Variants in HMG20B observed in about 807,000 individuals in gnomAD.
HMG20B encodes SWI/SNF-related matrix-associated actin-dependent regulator of chromatin subfamily E member 1-related.
A neutral mutation model predicts 41.6 loss-of-function variants in HMG20B; 24 were observed. The ratio of observed to expected loss-of-function variants is 0.58; its 90% CI spans 0.42 to 0.81. The LOEUF (loss-of-function observed/expected upper bound fraction) is 0.81, where lower values mean the gene tolerates loss of function less well. Among genes scored for constraint, HMG20B ranks in the 30% least tolerant of loss-of-function variants. The pLI is 0.00. For synonymous variants in HMG20B, 251 were observed against 186.6 expected, an observed-to-expected ratio of 1.34 and a Z score of -2.81; for missense variants, 461 against 444.0, an observed-to-expected ratio of 1.04 and a Z score of -0.34.
rs2032154802 is a variant in HMG20B, at chr19:3,576,052, C to T, written c.473-209C>T. On this transcript the variant is annotated intron_variant, in intron 5 of 9. Transcript: ENST00000333651. ...CCTCAGCCCAGGCAGGGCCTCCCTC[C>T]GTGGGGCACAGTCCCGTGGGTTGGG... 23 of 597,970 alleles carry T rather than the reference C, an allele frequency of 3.8e-5. No individual in the cohort carries two copies. In the South Asian group the frequency reaches 4.4e-4, roughly 12 times the overall value. 37.0% of individuals were successfully genotyped at this position (597,970 alleles called of 1,614,324 possible).
At position 3,577,032 on chromosome 19, in the gene HMG20B, A is replaced by G. The variant is rs757701879; in HGVS notation, c.733A>G (p.Thr245Ala). 149 of 1,550,296 alleles carry G rather than the reference A, an allele frequency of 9.6e-5. No individual in the cohort carries two copies. The highest frequency in any genetic ancestry group is 1.3e-4 in the Non-Finnish European group (144 of 1,148,134). ...EQELALEERR[T>A]LALQQQLQAV... ...GGAGCTGGCGCTGGAGGAGCGGAGG[A>G]CGCTGGCGCTGCAGCAGCAGCTCCA... Residue 245 changes from threonine to alanine, a missense_variant, in exon 8 of 10, where the codon ACG becomes GCG. Transcript: ENST00000333651.
chr19:3,573,131 C>T, intron 1 of HMG20B, 137 bp downstream of exon 1: 1 of 555,694 alleles, frequency 1.8e-6, no homozygotes, highest in Non-Finnish European at 3.0e-6. Flanking sequence ...ACAAAGGATT[C>T]TTGGGGCGCC....
rs2032160111 is a variant in HMG20B, at chr19:3,576,276, G to C, written c.488G>C (p.Gly163Ala). Reference sequence around the variant, plus strand: ...CCCCCGCCAGAAGACTCGAGCTCTGGGCTCATGAACACTCTCCTGAATGGA... The same window carrying C: ...CCCCCGCCAGAAGACTCGAGCTCTGCGCTCATGAACACTCTCCTGAATGGA... ...KKIKKEDSSS[G>A]LMNTLLNGHK... Residue 163 changes from glycine (G) to alanine (A), a missense_variant, in exon 6 of 10, where the codon GGG (glycine) becomes GCG (alanine). By Grantham distance (60) the Gly-to-Ala change is moderately conservative (BLOSUM62 0). Coordinates refer to ENST00000333651, the MANE Select transcript of HMG20B (RefSeq NM_006339.3). 14 of 1,613,798 alleles carry C rather than the reference G, an allele frequency of 8.7e-6. No individual in the cohort carries two copies. The highest frequency in any genetic ancestry group is 1.0e-5 in the Non-Finnish European group (12 of 1,179,842).
At chr19:3,574,237 C>T (rs550949295) in intron 3 of HMG20B, 146 bp from the exon 4 acceptor site, 2 of 729,590 alleles carry the variant, frequency 2.7e-6, no homozygotes, top group African/African-American at 3.5e-5. Flanking sequence ...GCTGACCGGG[C>T]CCTACCTCCA....
intron 8 of HMG20B, 71 bp downstream of exon 8, chr19:3,577,178 CT>C: frequency 9.0e-7 from 1 of 1,106,232 alleles, no homozygotes. Context: ...CCCCTCCTCC[CT>C]TCCCCCCTTC....
Position 3,574,702 on chromosome 19 carries a change from C to T in HMG20B, c.351+116C>T, listed in dbSNP as rs1384659636. The T allele has an allele frequency of 1.6e-5, 14 of 896,110 alleles. No individual in the cohort carries two copies. In the Admixed American group the frequency reaches 2.3e-4, roughly 15 times the overall value. The allele number at this position is 896,110 out of a possible 1,614,324, so 55.5% of individuals were successfully genotyped here. On this transcript the variant is annotated intron_variant, in intron 4 of 9. Transcript: ENST00000333651. ...TTTTCCTTCTTCCTGGAGAAATGCC[C>T]ACCCATAACCAACTTTTTTTTTTTT...
At chr19:3,573,904 C>G in intron 3 of HMG20B, 104 bp downstream of exon 3, 1 of 1,090,402 alleles carries the variant, frequency 9.2e-7, no homozygotes, top group African/African-American at 1.5e-5. Flanking sequence ...CGCCCACAGC[C>G]CATTTTCCTC....
Position 3,576,465 on chromosome 19 carries a change from C to A in HMG20B, c.520-88C>A, listed in dbSNP as rs116960452. On this transcript the variant is annotated intron_variant, in intron 6 of 9. Coordinates refer to ENST00000333651, the MANE Select transcript of HMG20B (RefSeq NM_006339.3). The stretch of plus-strand genomic sequence containing the variant: ...TGATTGTACTCCCACCGGGGTGTCC[C>A]AGGAGACCCTCCTAGGCTTGGGGCA... The A allele has an allele frequency of 3.8e-4, 525 of 1,378,218 alleles. 7 individuals carry two copies. The East Asian group carries it at 7.5e-3, about 20-fold the overall frequency. 85.4% of individuals were successfully genotyped at this position (1,378,218 alleles called of 1,614,324 possible).
Position 3,575,554 on chromosome 19 carries a change from G to T in HMG20B, c.366G>T (p.Glu122Asp). 2 of 1,562,692 alleles carry T rather than the reference G, an allele frequency of 1.3e-6. No individual in the cohort carries two copies. The highest frequency in any genetic ancestry group is 1.7e-6 in the Non-Finnish European group (2 of 1,153,946). Residue 122 changes from glutamate (E) to aspartate (D), a missense_variant, in exon 5 of 10, where the codon GAG becomes GAT. By Grantham distance (45) the Glu-to-Asp change is conservative. Coordinates refer to ENST00000333651, the MANE Select transcript of HMG20B (RefSeq NM_006339.3). The part of the protein sequence containing the change: ...QPTEKQRYLD[E>D]AEREKQQYMK... Reference sequence around the variant, plus strand: ...CTGCCCCCCAGCGGTACCTGGATGAGGCCGAGAGAGAGAAGCAGCAGTACA... The same window carrying T: ...CTGCCCCCCAGCGGTACCTGGATGATGCCGAGAGAGAGAAGCAGCAGTACA...
At chr19:3,578,145 G>A (rs369962778) in intron 9 of HMG20B, 32 bp downstream of exon 9, 23 of 1,602,128 alleles carry the variant, frequency 1.4e-5, no homozygotes, top group Admixed American at 3.4e-5. Context: ...GCGGGGCCGG[G>A]GTTCAAGGCC....
chr19:3,577,515 C>T (rs1264621131), intron 8 of HMG20B, among the ~76,000 whole-genome samples: 2 of 144,192 alleles, frequency 1.4e-5, no homozygotes, highest in Non-Finnish European at 1.5e-5. Flanking sequence ...CCCACCGTCG[C>T]TGGCCCCTCT....
At position 3,575,590 on chromosome 19, in the gene HMG20B, G is replaced by A. The variant is rs532459523; in HGVS notation, c.402G>A (p.Leu134=). The part of the protein sequence containing the change: ...EREKQQYMKE[L]RAYQQSEAYK... ...AGAAGCAGCAGTACATGAAGGAGCT[G>A]CGGGCGTACCAGCAGTCTGAAGCCT... The change falls in exon 5 of 10, where the codon CTG becomes CTA. Residue 134 remains leucine, a synonymous_variant. Coordinates refer to ENST00000333651, the MANE Select transcript of HMG20B (RefSeq NM_006339.3). The A allele has an allele frequency of 1.2e-5, 18 of 1,556,180 alleles. 1 individual carries two copies. The highest frequency in any genetic ancestry group is 3.5e-4 in the Middle Eastern group (2 of 5,734).
chr19:3,574,210 C>G (rs2032106036), intron 3 of HMG20B, 173 bp from the exon 4 acceptor site: 6 of 642,168 alleles, frequency 9.3e-6, no homozygotes, highest in South Asian at 7.4e-5. Context: ...ATCCCTCTAA[C>G]CCACCGTGTC....
At position 3,575,362 on chromosome 19, in the gene HMG20B, G is replaced by A. The variant is rs2032134497; in HGVS notation, c.352-178G>A. 8 of 1,047,830 alleles carry A rather than the reference G, an allele frequency of 7.6e-6. No individual in the cohort carries two copies. The South Asian group carries it at 1.2e-4, about 15-fold the overall frequency. The allele number at this position is 1,047,830 out of a possible 1,614,324, so 64.9% of individuals were successfully genotyped here. Reference sequence around the variant, plus strand: ...AAGAGTCCGGGGCATGGGAAGTGAGGTGGGAGCTCGGAGGTCCCTGAGCAA... The same window carrying A: ...AAGAGTCCGGGGCATGGGAAGTGAGATGGGAGCTCGGAGGTCCCTGAGCAA... On this transcript the variant is annotated intron_variant, in intron 4 of 9. Transcript: ENST00000333651.
intron 2 of HMG20B, 149 bp from the exon 3 acceptor site, chr19:3,573,543 C>A: frequency 1.1e-6 from 1 of 900,510 alleles, no homozygotes; most frequent in Non-Finnish European, 1.6e-6. Context: ...TCCCACCTTC[C>A]CCGGATACTG....
chr19:3,575,245 G>A (rs970331884), intron 4 of HMG20B, among the ~76,000 whole-genome samples: 9 of 152,200 alleles, frequency 5.9e-5, no homozygotes, highest in African/African-American at 2.2e-4. Context: ...AACGGGTGCG[G>A]GAGGGAGTCC....
rs989827752 is a variant in HMG20B, at chr19:3,576,631, C to T, written c.592+6C>T. On this transcript the variant is annotated splice_donor_region_variant and intron_variant, in intron 7 of 9. Transcript: ENST00000333651. Reference sequence around the variant, plus strand: ...GTTCTTGGACCAAAACAAAGGTGAGCGGTAACTGCGCTCCTGATGCGAACT... The same window carrying T: ...GTTCTTGGACCAAAACAAAGGTGAGTGGTAACTGCGCTCCTGATGCGAACT... 7 of 1,609,864 alleles carry T rather than the reference C, an allele frequency of 4.3e-6. No individual in the cohort carries two copies. The highest frequency in any genetic ancestry group is 3.3e-5 in the South Asian group (3 of 90,622).
At position 3,578,294 on chromosome 19, in the gene HMG20B, C is replaced by T. The variant is rs985531222; in HGVS notation, c.941+181C>T. 3.3e-5 allele frequency: 38 copies of T among 1,140,808 alleles called. No homozygotes were observed. In the African/African-American group the frequency reaches 5.2e-4, roughly 16 times the overall value. The allele number at this position is 1,140,808 out of a possible 1,614,324, so 70.7% of individuals were successfully genotyped here. On this transcript the variant is annotated intron_variant, in intron 9 of 9. Transcript: ENST00000333651. Reference sequence around the variant, plus strand: ...CAGTGCTAGGATGGCCATGGAGAACCCCGGGCCGGCGGGACCCACTCGGGG... The same window carrying T: ...CAGTGCTAGGATGGCCATGGAGAACTCCGGGCCGGCGGGACCCACTCGGGG...
intron 7 of HMG20B, 39 bp from the exon 8 acceptor site, chr19:3,576,853 G>C: frequency 6.5e-7 from 1 of 1,546,010 alleles, no homozygotes. Flanking sequence ...GTAGGGGAAA[G>C]GGGAGGCGCA....
Sources: allele counts gnomAD v4.1 joint callset (sites outside exome capture counted in the v4.1 genomes callset), GRCh38; gene constraint gnomAD v4.1.1; transcripts MANE v1.5; gene names NCBI Gene and HGNC (gene_info 2026-07-23, HGNC 2026-07-21).